ANGEL2: variants seen among roughly 807,000 people sequenced by gnomAD.
The protein encoded by ANGEL2 is RNA 2',3'-cyclic phosphatase ANGEL2.
A neutral mutation model predicts 66.0 loss-of-function variants in ANGEL2; 41 were observed. The ratio of observed to expected loss-of-function variants is 0.62; its 90% CI spans 0.48 to 0.81. The LOEUF (loss-of-function observed/expected upper bound fraction) is 0.81. Among genes scored for constraint, ANGEL2 ranks in the 30% least tolerant of loss-of-function variants. The pLI, the probability that ANGEL2 is intolerant of heterozygous loss-of-function variation, is 0.00. For synonymous variants in ANGEL2, 208 were observed against 226.5 expected (o/e 0.92, Z 0.73); for missense variants, 561 against 641.6 (o/e 0.87, Z 1.36).
chr1:213,015,260 C>T, intron 1 of ANGEL2: 2 of 1,099,922 alleles, frequency 1.8e-6, no homozygotes, highest in Non-Finnish European at 2.2e-6. Context: ...ACGCTCGGTT[C>T]CCGGGACGGT....
intron 1 of ANGEL2, among the ~76,000 whole-genome samples, chr1:213,014,047 G>C (rs2076576044): frequency 6.6e-6 from 1 of 152,132 alleles, no homozygotes; most frequent in Non-Finnish European, 1.5e-5. Flanking sequence ...AAATGAAAGA[G>C]GATGGGGATG....
intron 1 of ANGEL2, 101 bp from the exon 2 acceptor site, chr1:213,013,519 T>A: frequency 9.0e-7 from 1 of 1,110,846 alleles, no homozygotes. Context: ...GTCTAATATT[T>A]AAAATCTGGC....
chr1:213,004,886 A>C, intron 5 of ANGEL2, 147 bp downstream of exon 5: 1 of 614,106 alleles, frequency 1.6e-6, no homozygotes, highest in South Asian at 3.7e-5. Flanking sequence ...AAAAAAAAAA[A>C]AAAAAAGTCA....
At chr1:212,998,935 G>A (rs1201096424) in intron 7 of ANGEL2, among the ~76,000 whole-genome samples, 5 of 151,544 alleles carry the variant, frequency 3.3e-5, no homozygotes, top group Non-Finnish European at 4.4e-5. Context: ...GCTGGAATGC[G>A]GTGGTGCGAT....
chr1:213,014,283 T>C (rs2076580977), intron 1 of ANGEL2, among the ~76,000 whole-genome samples: 1 of 152,270 alleles, frequency 6.6e-6, no homozygotes. Flanking sequence ...TCTTAACAGC[T>C]ACATTTCTAC....
Position 212,992,749 on chromosome 1 carries a change from A to G in ANGEL2, c.*2292T>C, listed in dbSNP as rs1254913932. Reference sequence around the variant, plus strand: ...ATATTAATCAGGATATAAAAAATTAAATTTTCACAGAGGTTTTCAGGGATG... The same window carrying G: ...ATATTAATCAGGATATAAAAAATTAGATTTTCACAGAGGTTTTCAGGGATG... On this transcript the variant is annotated 3_prime_UTR_variant, in exon 9 of 9. Coordinates refer to ENST00000366962, the MANE Select transcript of ANGEL2 (RefSeq NM_144567.5). 1.3e-5 allele frequency: 2 copies of G among 152,206 alleles called. No individual in the cohort carries two copies. The highest frequency in any genetic ancestry group is 2.9e-5 in the Non-Finnish European group (2 of 68,036). The allele number at this position is 152,206 out of a possible 1,614,324, so 9.4% of individuals were successfully genotyped here. A position where few individuals can be genotyped will look rare whatever the true frequency, so the allele number is the denominator to read the frequency against.
chr1:213,013,586 A>G lies in ANGEL2; in HGVS notation c.60-168T>C, dbSNP rs74348670. On this transcript the variant is annotated intron_variant, in intron 1 of 8. Coordinates refer to ENST00000366962, the MANE Select transcript of ANGEL2 (RefSeq NM_144567.5). ...ACCCATGATTTACCTATTGGCATCA[A>G]TATCTCAATACTCTCGTCCTAAAAA... Among the ~76,000 whole-genome samples, 19 of 152,296 alleles carry G rather than the reference A, an allele frequency of 1.2e-4. No individual in the cohort carries two copies. In the East Asian group the frequency reaches 3.7e-3, roughly 29 times the overall value.
rs140011235 is a variant in ANGEL2 at position 213,013,236 on chromosome 1, G to A, written c.242C>T (p.Pro81Leu). The A allele has an allele frequency of 4.6e-5, 75 of 1,614,116 alleles. 1 individual carries two copies. The East Asian group carries it at 1.6e-3, about 35-fold the overall frequency. Residue 81 changes from proline to leucine, a missense_variant, in exon 2 of 9, where the codon CCC becomes CTC. Transcript: ENST00000366962. ...CTGAGTTCTAGACTCAAACAAACAG[G>A]GTGGTCTCCAATTTAGTGAAAAATG... ...SRHFSLNWRP[P>L]CLFESRTQFQ...
chr1:213,008,455 G>A lies in ANGEL2; in HGVS notation c.397C>T (p.Arg133Trp), dbSNP rs1408670297. ...TGGCTACATATATATTCCCAATTCC[G>A]CTTTATCACACCTGTTAAAATATAT... ...KRRKHQGVIK[R>W]NWEYICSHDK... Residue 133 changes from arginine to tryptophan, a missense_variant, in exon 3 of 9, where the codon CGG becomes TGG. Arg to Trp is a moderately radical substitution (Grantham distance 101). Transcript: ENST00000366962. 4.3e-6 allele frequency: 7 copies of A among 1,612,300 alleles called. No individual in the cohort carries two copies. Among genetic ancestry groups the A allele is most frequent in the East Asian group, 4.5e-5 (2 of 44,842 alleles).
chr1:212,998,298 A>T (rs887137177), intron 7 of ANGEL2, among the ~76,000 whole-genome samples: 9 of 151,768 alleles, frequency 5.9e-5, no homozygotes, highest in African/African-American at 2.2e-4. Context: ...GCTACTTGGC[A>T]GACTAAGGTA....
intron 5 of ANGEL2, among the ~76,000 whole-genome samples, chr1:213,003,294 C>A (rs2076229915): frequency 6.6e-6 from 1 of 152,206 alleles, no homozygotes; most frequent in Admixed American, 6.5e-5. Flanking sequence ...ACTGGAGTAG[C>A]ACTTCTAACT....
intron 7 of ANGEL2, among the ~76,000 whole-genome samples, chr1:212,999,833 T>C (rs1386608243): frequency 6.6e-6 from 1 of 152,250 alleles, no homozygotes; most frequent in African/African-American, 2.4e-5. Flanking sequence ...TCAACTGGCA[T>C]ATTCATTTTT....
intron 1 of ANGEL2, chr1:213,015,295 A>C: frequency 7.8e-7 from 1 of 1,276,304 alleles, no homozygotes; most frequent in Non-Finnish European, 9.9e-7. Context: ...GGAGCAGGCC[A>C]GCGCTGGTCT....
intron 7 of ANGEL2, among the ~76,000 whole-genome samples, chr1:213,000,124 G>A (rs1176901460): frequency 6.6e-6 from 1 of 152,182 alleles, no homozygotes; most frequent in Non-Finnish European, 1.5e-5. Flanking sequence ...CCTCAGAGAT[G>A]TTAAGTTTCT....
In ANGEL2 at chr1:213,015,636, G is replaced by A; in HGVS notation, c.36C>T (p.Gly12=). Residue 12 remains glycine, a synonymous_variant, in exon 1 of 9, where the codon GGC becomes GGT. Transcript: ENST00000366962. ...ACCGGCCTCTTCCCACCACACAGTG[G>A]CCGTAGCCCTTCCTCACACAGCGCC... ...EAWRCVRKGY[G]HCVVGRGRYP... is the part of the protein sequence containing the mutation. The A allele has an allele frequency of 6.2e-6, 10 of 1,614,090 alleles. No homozygotes were observed. The highest frequency in any genetic ancestry group is 8.5e-6 in the Non-Finnish European group (10 of 1,180,024).
chr1:212,999,615 A>C (rs1216592395), intron 7 of ANGEL2, among the ~76,000 whole-genome samples: 3 of 152,242 alleles, frequency 2.0e-5, no homozygotes, highest in Non-Finnish European at 4.4e-5. Flanking sequence ...AAAAAACTAT[A>C]AAACAGCCAC....
intron 2 of ANGEL2, among the ~76,000 whole-genome samples, chr1:213,010,591 A>G (rs1483007271): frequency 6.6e-6 from 1 of 150,752 alleles, no homozygotes; most frequent in African/African-American, 2.4e-5. Context: ...AAAAAAAAGA[A>G]CTGATCATGT....
At chr1:212,999,328 A>G (rs1319116596) in intron 7 of ANGEL2, among the ~76,000 whole-genome samples, 2 of 152,166 alleles carry the variant, frequency 1.3e-5, no homozygotes, top group Non-Finnish European at 2.9e-5. Context: ...TCTTTTTTAT[A>G]TCCTATATTG....
At chr1:212,996,162 C>G (rs780113155) in intron 8 of ANGEL2, among the ~76,000 whole-genome samples, 3 of 151,956 alleles carry the variant, frequency 2.0e-5, no homozygotes, top group Non-Finnish European at 4.4e-5. Flanking sequence ...AAAAAATTAG[C>G]CGGGCATGGT....
Sources: gnomAD v4.1 joint callset for allele counts (sites outside exome capture counted in the v4.1 genomes callset) on GRCh38, gnomAD v4.1.1 for gene constraint, MANE v1.5 for transcripts, NCBI Gene and HGNC (gene_info 2026-07-23, HGNC 2026-07-21) for gene names.